Variants in ZNF566 observed in about 807,000 individuals in gnomAD.
The protein encoded by ZNF566 is zinc finger protein 566.
ZNF566 carries 27 observed loss-of-function variants against 32.8 expected under a neutral mutation model. The observed-to-expected ratio is 0.82, with a 90% CI of 0.61 to 1.14. ZNF566 has a LOEUF of 1.14. ZNF566 is among the 50% of genes most tolerant of loss of function. The pLI, the probability that ZNF566 is intolerant of heterozygous loss-of-function variation, is 0.00. For synonymous variants in ZNF566, 154 were observed against 159.5 expected (o/e 0.97, Z 0.26); for missense variants, 402 against 490.4 (o/e 0.82, Z 1.70).
chr19:36,481,352 T>C (rs563942511), intron 1 of ZNF566, among the ~76,000 whole-genome samples: 2 of 151,020 alleles, frequency 1.3e-5, no homozygotes, highest in South Asian at 4.2e-4. Context: ...GCGCCTGTAG[T>C]CCCAGCTACT....
At chr19:36,476,369 A>G (rs1425921172) in intron 2 of ZNF566, 180 bp downstream of exon 2, 10 of 423,638 alleles carry the variant, frequency 2.4e-5, no homozygotes, top group Middle Eastern at 6.3e-4. Context: ...TTTTTTTTCT[A>G]TGAATTGGCC....
chr19:36,456,162 A>C (rs1192720731), intron 4 of ZNF566, among the ~76,000 whole-genome samples: 1 of 152,132 alleles, frequency 6.6e-6, no homozygotes, highest in East Asian at 1.9e-4. Flanking sequence ...ATGTATAATA[A>C]CATCAAAAAG....
intron 4 of ZNF566, chr19:36,456,425 C>G (rs2033315081): frequency 6.7e-6 from 1 of 148,434 alleles, no homozygotes; most frequent in Non-Finnish European, 1.5e-5. Flanking sequence ...TGGCAGCATG[C>G]ACCTGTAGTC....
intron 1 of ZNF566, among the ~76,000 whole-genome samples, chr19:36,487,555 A>G (rs1041203740): frequency 9.2e-5 from 14 of 152,180 alleles, no homozygotes; most frequent in African/African-American, 3.4e-4. Context: ...TATATAACAA[A>G]AGAAGCCTGG....
rs750437884 is a variant in ZNF566 at position 36,450,010 on chromosome 19, A to C, written c.233-9T>G. 1 of 1,578,706 alleles carries C rather than the reference A, an allele frequency of 6.3e-7. No homozygotes were observed. The highest frequency in any genetic ancestry group is 8.6e-7 in the Non-Finnish European group (1 of 1,166,402). Reference sequence around the variant, plus strand: ...ACATCTTGATTCCAGGACTGAAAGAAAATATGAAAGTAATCACTCACATTT... The same window carrying C: ...ACATCTTGATTCCAGGACTGAAAGACAATATGAAAGTAATCACTCACATTT... On this transcript the variant is annotated splice_polypyrimidine_tract_variant and intron_variant, in intron 4 of 4. Coordinates refer to ENST00000452939, the MANE Select transcript of ZNF566 (RefSeq NM_001145344.1).
Position 36,477,526 on chromosome 19 carries a change from G to GTTTTTTTTTTTTTTTTTTTTTT in ZNF566, c.-59-911_-59-910insAAAAAAAAAAAAAAAAAAAAAA, listed in dbSNP as rs767741591. Among the ~76,000 whole-genome samples the GTTTTTTTTTTTTTTTTTTTTTT allele has an allele frequency of 4.7e-5, 5 of 107,000 alleles. 2 individuals carry two copies. Among genetic ancestry groups the GTTTTTTTTTTTTTTTTTTTTTT allele is most frequent in the African/African-American group, 1.5e-4 (4 of 26,212 alleles). The allele number at this position is 107,000 out of a possible 152,430, so 70.2% of individuals were successfully genotyped here. On this transcript the variant is annotated intron_variant, in intron 1 of 4. Transcript: ENST00000452939. ...TGGGTCAAACCAGTTTTCTGTTTCT[G>GTTTTTTTTTTTTTTTTTTTTTT]TTTTTTTTTTGTTTGTTTGTTTGTT... is the stretch of plus-strand genomic sequence containing the variant.
Position 36,473,430 on chromosome 19 carries a change from ACG to A in ZNF566, c.36_37del (p.Val13ArgfsTer12). ...TTCCCACTCCTCCTGAGAGAAGTCT[ACG>A]GACACATCACTGAACATCACTGACT... On this transcript the variant is annotated frameshift_variant, in exon 3 of 5. Coordinates refer to ENST00000452939, the MANE Select transcript of ZNF566 (RefSeq NM_001145344.1). LOFTEE classifies it high-confidence loss of function. 4 of 1,611,706 alleles carry A rather than the reference ACG, an allele frequency of 2.5e-6. No homozygotes were observed. The highest frequency in any genetic ancestry group is 3.4e-6 in the Non-Finnish European group (4 of 1,178,890).
At position 36,468,349 on chromosome 19, in the gene ZNF566, T is replaced by C. The variant is rs141208234; in HGVS notation, c.232+4562A>G. On this transcript the variant is annotated intron_variant, in intron 4 of 4. Transcript: ENST00000452939. ...GGCTGGGTGAAGTGGCTTGCTCCTGTAATCCCAACACTTTGGGAGGTTGAG... is the reference window on the plus strand; with the variant it reads ...GGCTGGGTGAAGTGGCTTGCTCCTGCAATCCCAACACTTTGGGAGGTTGAG... 8.0e-3 allele frequency among the ~76,000 whole-genome samples: 1,209 copies of C among 151,912 alleles called. 13 individuals are homozygous for C. Among genetic ancestry groups the C allele is most frequent in the Middle Eastern group, 0.02 (6 of 294 alleles).
chr19:36,459,446 C>T (rs946928513), intron 4 of ZNF566, among the ~76,000 whole-genome samples: 5 of 150,508 alleles, frequency 3.3e-5, no homozygotes, highest in Non-Finnish European at 5.9e-5. Flanking sequence ...AACTCCTGAC[C>T]GTGTGATCCA....
At chr19:36,459,763 G>A (rs949833176) in intron 4 of ZNF566, among the ~76,000 whole-genome samples, 1 of 150,058 alleles carries the variant, frequency 6.7e-6, no homozygotes, top group African/African-American at 2.5e-5. Context: ...CACCCGCCTC[G>A]GCCTCCCAAA....
intron 1 of ZNF566, among the ~76,000 whole-genome samples, chr19:36,483,115 G>T (rs1191065644): frequency 6.6e-6 from 1 of 152,184 alleles, no homozygotes; most frequent in South Asian, 2.1e-4. Context: ...TTTTCTGAAC[G>T]TATCTGTGAA....
intron 1 of ZNF566, among the ~76,000 whole-genome samples, chr19:36,488,801 C>A (rs557338183): frequency 6.6e-6 from 1 of 152,086 alleles, no homozygotes; most frequent in African/African-American, 2.4e-5. Context: ...AGTTTTAAAA[C>A]GGGGAAAAAC....
chr19:36,480,704 G>T (rs1344404164), intron 1 of ZNF566, among the ~76,000 whole-genome samples: 2 of 151,542 alleles, frequency 1.3e-5, no homozygotes, highest in Non-Finnish European at 2.9e-5. Flanking sequence ...AATTTAAGAG[G>T]GATCACAGAC....
chr19:36,445,712 G>C lies in ZNF566; in HGVS notation c.*3265C>G, dbSNP rs1005487653. The C allele has an allele frequency of 3.3e-5, 5 of 152,158 alleles. No individual in the cohort carries two copies. Among genetic ancestry groups the C allele is most frequent in the African/African-American group, 1.2e-4 (5 of 41,424 alleles). 9.4% of individuals were successfully genotyped at this position (152,158 alleles called of 1,614,324 possible). A position where few individuals can be genotyped will look rare whatever the true frequency, so the allele number is the denominator to read the frequency against. Reference sequence around the variant, plus strand: ...CATATACCTGTAACCCCAGCTACTTGGGAGGCTGAGGCAGGAGAATCTCTT... The same window carrying C: ...CATATACCTGTAACCCCAGCTACTTCGGAGGCTGAGGCAGGAGAATCTCTT... On this transcript the variant is annotated 3_prime_UTR_variant, in exon 5 of 5. Coordinates refer to ENST00000452939, the MANE Select transcript of ZNF566 (RefSeq NM_001145344.1).
intron 1 of ZNF566, among the ~76,000 whole-genome samples, chr19:36,484,587 CTTTTTTTTTT>C (rs34052223): frequency 8.9e-6 from 1 of 111,934 alleles, no homozygotes; most frequent in South Asian, 3.0e-4. Context: ...GGCATAGTTT[CTTTTTTTTTT>C]TTTTTTTTTT....
At chr19:36,482,122 T>A (rs1216157884) in intron 1 of ZNF566, among the ~76,000 whole-genome samples, 2 of 152,240 alleles carry the variant, frequency 1.3e-5, no homozygotes, top group African/African-American at 4.8e-5. Flanking sequence ...TTTATTTATT[T>A]TGAGACGGAG....
At chr19:36,484,286 G>A (rs2034102749) in intron 1 of ZNF566, among the ~76,000 whole-genome samples, 1 of 152,208 alleles carries the variant, frequency 6.6e-6, no homozygotes, top group Non-Finnish European at 1.5e-5. Context: ...CACTGTTACA[G>A]GCACACAAGT....
intron 4 of ZNF566, among the ~76,000 whole-genome samples, chr19:36,467,817 AAAAAAAAG>A (rs1568521874): frequency 4.2e-5 from 6 of 144,180 alleles, no homozygotes; most frequent in Admixed American, 2.1e-4. Context: ...AAAAAAAAAA[AAAAAAAAG>A]AAAAAAAGAA....
chr19:36,451,615 TA>T (rs2033159392), intron 4 of ZNF566, among the ~76,000 whole-genome samples: 1 of 152,150 alleles, frequency 6.6e-6, no homozygotes, highest in Non-Finnish European at 1.5e-5. Flanking sequence ...TTGGGCAAAT[TA>T]GTTCAACCTT....
Sources: allele counts gnomAD v4.1 joint callset (sites outside exome capture counted in the v4.1 genomes callset), GRCh38; gene constraint gnomAD v4.1.1; transcripts MANE v1.5; gene names NCBI Gene and HGNC (gene_info 2026-07-23, HGNC 2026-07-21).